Variants in WDR64 observed in about 807,000 individuals in gnomAD.
WDR64 encodes WD repeat domain 64, also known as WD repeat-containing protein 64.
In WDR64, 112 loss-of-function variants were observed where a neutral mutation model predicts 139.3. That is an observed-to-expected ratio of 0.80 (90% CI 0.69 to 0.94). The LOEUF is 0.94. Among genes scored for constraint, WDR64 ranks in the 40% least tolerant of loss-of-function variants. The pLI, the probability that WDR64 is intolerant of heterozygous loss-of-function variation, is 0.00. For synonymous variants in WDR64, 444 were observed against 437.7 expected (o/e 1.01, Z -0.18); for missense variants, 1,206 against 1,293.1 (o/e 0.93, Z 1.03).
intron 10 of WDR64, among the ~76,000 whole-genome samples, chr1:241,737,355 G>A (rs1669369162): frequency 6.6e-6 from 1 of 152,144 alleles, no homozygotes; most frequent in Non-Finnish European, 1.5e-5. Flanking sequence ...GTGAAGATTT[G>A]AACCTAATTA....
At chr1:241,775,642 T>C (rs997521681) in intron 21 of WDR64, among the ~76,000 whole-genome samples, 11 of 152,186 alleles carry the variant, frequency 7.2e-5, no homozygotes, top group African/African-American at 2.4e-4. Context: ...ATAATTAATA[T>C]GGTCAGTCTT....
intron 23 of WDR64, 112 bp from the exon 24 acceptor site, chr1:241,787,737 T>TA (rs1169635173): frequency 5.6e-6 from 5 of 892,316 alleles, no homozygotes; most frequent in African/African-American, 3.5e-5. Context: ...TGAACCCAAG[T>TA]AAAAAAATCC....
At position 241,777,076 on chromosome 1, in the gene WDR64, T is replaced by C. The variant is rs2148310236; in HGVS notation, c.2536+1866T>C. Among the ~76,000 whole-genome samples, 2 of 152,274 alleles carry C rather than the reference T, an allele frequency of 1.3e-5. 1 individual carries two copies. The highest frequency in any genetic ancestry group is 4.1e-4 in the South Asian group (2 of 4,824). ...TTAAATCAGACACCCTCAGGCATCA[T>C]TACATCATTAGTTGTTGCCTTTAGA... On this transcript the variant is annotated intron_variant, in intron 21 of 27. Transcript: ENST00000437684.
chr1:241,698,509 C>A (rs1445396181), intron 8 of WDR64, among the ~76,000 whole-genome samples: 1 of 152,052 alleles, frequency 6.6e-6, no homozygotes, highest in South Asian at 2.1e-4. Flanking sequence ...GTTCTCTGTC[C>A]CCTCCCCACA....
At chr1:241,713,407 GAGGAAGGGA>G (rs150286010) in intron 9 of WDR64, among the ~76,000 whole-genome samples, 11,633 of 131,278 alleles carry the variant, frequency 0.089, 831 homozygotes, top group Admixed American at 0.13. Context: ...GGGAGGGAGG[GAGGAAGGGA>G]AGGAAGGGAA....
At chr1:241,788,159 CA>C in intron 24 of WDR64, 125 bp downstream of exon 24, 1 of 772,964 alleles carries the variant, frequency 1.3e-6, no homozygotes, top group Non-Finnish European at 1.9e-6. Context: ...TTTTGTAATC[CA>C]GTGGAAGGGA....
At chr1:241,669,715 T>C (rs1053756502) in intron 2 of WDR64, among the ~76,000 whole-genome samples, 10 of 152,208 alleles carry the variant, frequency 6.6e-5, no homozygotes, top group African/African-American at 2.4e-4. Context: ...AAGCAACTGA[T>C]GACAGGACAT....
At chr1:241,664,951 C>CT (rs1187237781) in intron 2 of WDR64, among the ~76,000 whole-genome samples, 1 of 152,056 alleles carries the variant, frequency 6.6e-6, no homozygotes, top group African/African-American at 2.4e-5. Context: ...AATCCCAGCA[C>CT]TTTGAGAGGC....
intron 9 of WDR64, among the ~76,000 whole-genome samples, chr1:241,721,877 G>A (rs1159718373): frequency 6.6e-6 from 1 of 152,098 alleles, no homozygotes; most frequent in Non-Finnish European, 1.5e-5. Context: ...CAGACACAAT[G>A]AAAATGTAAA....
chr1:241,756,914 A>T (rs2148275799), intron 14 of WDR64, among the ~76,000 whole-genome samples: 1 of 152,320 alleles, frequency 6.6e-6, no homozygotes. Context: ...CCATGAAATA[A>T]CTTGTATAAA....
At chr1:241,673,624 T>C (rs1368814481) in intron 3 of WDR64, among the ~76,000 whole-genome samples, 1 of 152,248 alleles carries the variant, frequency 6.6e-6, no homozygotes, top group Non-Finnish European at 1.5e-5. Context: ...AAGAACTAAT[T>C]TGTACCCCTT....
At chr1:241,749,887 A>G (rs569647398) in intron 14 of WDR64, among the ~76,000 whole-genome samples, 165 bp downstream of exon 14, 1 of 152,294 alleles carries the variant, frequency 6.6e-6, no homozygotes, top group Admixed American at 6.5e-5. Flanking sequence ...GCCCAGGTTT[A>G]GGCAAAGAGC....
chr1:241,710,818 T>A (rs1483908018), intron 8 of WDR64, among the ~76,000 whole-genome samples: 1 of 152,082 alleles, frequency 6.6e-6, no homozygotes, highest in Non-Finnish European at 1.5e-5. Context: ...AGAAATGAAG[T>A]CTTCTTAGAG....
chr1:241,704,136 A>C (rs982961569), intron 8 of WDR64, among the ~76,000 whole-genome samples: 1 of 152,102 alleles, frequency 6.6e-6, no homozygotes, highest in African/African-American at 2.4e-5. Flanking sequence ...GTCTGGTGCC[A>C]CTCTGCTATG....
chr1:241,751,901 C>A (rs1669994191), intron 14 of WDR64, among the ~76,000 whole-genome samples: 1 of 152,102 alleles, frequency 6.6e-6, no homozygotes, highest in Non-Finnish European at 1.5e-5. Context: ...CTATATGAAA[C>A]CTTTGGCAAA....
At chr1:241,758,314 C>CT (rs34461998) in intron 15 of WDR64, among the ~76,000 whole-genome samples, 52,677 of 145,670 alleles carry the variant, frequency 0.36, 10,487 homozygotes, top group Middle Eastern at 0.58. Flanking sequence ...GACCAGTTGT[C>CT]TTTTTTTTTT....
At chr1:241,702,707 A>C (rs937509002) in intron 8 of WDR64, among the ~76,000 whole-genome samples, 1 of 152,172 alleles carries the variant, frequency 6.6e-6, no homozygotes, top group Non-Finnish European at 1.5e-5. Context: ...TGGTTTTTAC[A>C]TTGTTCAATG....
At chr1:241,655,400 C>G (rs1665548680) in intron 1 of WDR64, among the ~76,000 whole-genome samples, 2 of 152,056 alleles carry the variant, frequency 1.3e-5, no homozygotes, top group African/African-American at 2.4e-5. Context: ...CCTCACCCCC[C>G]AAAAAATAGT....
intron 21 of WDR64, among the ~76,000 whole-genome samples, chr1:241,779,002 A>G (rs1288355770): frequency 6.6e-6 from 1 of 152,020 alleles, no homozygotes; most frequent in Non-Finnish European, 1.5e-5. Flanking sequence ...TTAAACCTAT[A>G]TCATTTTTCT....
Sources: allele counts gnomAD v4.1 joint callset (sites outside exome capture counted in the v4.1 genomes callset), GRCh38; gene constraint gnomAD v4.1.1; transcripts MANE v1.5; gene names NCBI Gene and HGNC (gene_info 2026-07-23, HGNC 2026-07-21).